The following SFMBT1 variants were observed in gnomAD, a reference collection of about 807,000 sequenced individuals.
SFMBT1 encodes the protein scm-like with four MBT domains protein 1.
Under a neutral mutation model 108.7 loss-of-function variants are expected in SFMBT1, and 32 were observed. The observed-to-expected ratio is 0.29, with a 90% CI of 0.22 to 0.40. The LOEUF is 0.40. Among genes scored for constraint, SFMBT1 ranks in the 10% least tolerant of loss-of-function variants. The pLI, the probability that SFMBT1 is intolerant of heterozygous loss-of-function variation, is 1.00. For synonymous variants in SFMBT1, 348 were observed against 369.5 expected, an observed-to-expected ratio of 0.94 and a Z score of 0.67; for missense variants, 816 against 1,059.6, an observed-to-expected ratio of 0.77 and a Z score of 3.19.
chr3:52,925,096 C>T (rs1702621490), intron 10 of SFMBT1, among the ~76,000 whole-genome samples: 1 of 151,964 alleles, frequency 6.6e-6, no homozygotes, highest in Non-Finnish European at 1.5e-5. Context: ...TGGTGGGCGC[C>T]TGTAATCCCA....
intron 2 of SFMBT1, among the ~76,000 whole-genome samples, chr3:52,956,244 G>A (rs557574386): frequency 1.9e-4 from 29 of 152,166 alleles, no homozygotes; most frequent in African/African-American, 6.7e-4. Context: ...GGCAGATCAC[G>A]AGGTCAAGAG....
chr3:52,925,160 A>G (rs566114537), intron 10 of SFMBT1, among the ~76,000 whole-genome samples: 20 of 152,000 alleles, frequency 1.3e-4, no homozygotes, highest in African/African-American at 4.8e-4. Flanking sequence ...GGCGGAGGCT[A>G]TAGTGAGCTG....
intron 3 of SFMBT1, among the ~76,000 whole-genome samples, chr3:52,953,852 A>G (rs990254638): frequency 6.6e-6 from 1 of 152,064 alleles, no homozygotes; most frequent in Non-Finnish European, 1.5e-5. Flanking sequence ...AAGTGTGACC[A>G]GGCACAGTGG....
At position 52,928,637 on chromosome 3, in the gene SFMBT1, C is replaced by CACAT. The variant is rs1702752018; in HGVS notation, c.898-297_898-296insATGT. 28 of 78,464 alleles carry CACAT rather than the reference C, an allele frequency of 3.6e-4. No individual in the cohort carries two copies. The East Asian group carries it at 5.4e-3, about 15-fold the overall frequency. 4.9% of individuals were successfully genotyped at this position (78,464 alleles called of 1,614,324 possible). ...ATATATACATATATACATATATATA[C>CACAT]ATATATATATATATATACACATATA... On this transcript the variant is annotated intron_variant, in intron 8 of 20. Transcript: ENST00000394752.
chr3:53,008,608 A>G (rs1698829197), intron 1 of SFMBT1, among the ~76,000 whole-genome samples: 2 of 151,828 alleles, frequency 1.3e-5, no homozygotes, highest in African/African-American at 2.4e-5. Flanking sequence ...TTCATCACAT[A>G]CAAATTTCAT....
At chr3:53,000,612 AAGAG>A (rs773406181) in intron 1 of SFMBT1, among the ~76,000 whole-genome samples, 1 of 150,144 alleles carries the variant, frequency 6.7e-6, no homozygotes, top group Non-Finnish European at 1.5e-5. Context: ...ATAAAAGACA[AAGAG>A]AGAAAGCAAA....
chr3:52,949,568 C>CTTTTTTTT (rs59842273), intron 3 of SFMBT1, among the ~76,000 whole-genome samples: 3 of 77,388 alleles, frequency 3.9e-5, no homozygotes, highest in African/African-American at 1.1e-4. Context: ...TAATGTCCTT[C>CTTTTTTTT]TTTTTTTTTT....
chr3:52,928,372 A>C, intron 8 of SFMBT1, 31 bp from the exon 9 acceptor site: 1 of 1,607,046 alleles, frequency 6.2e-7, no homozygotes, highest in Non-Finnish European at 8.5e-7. Context: ...TGAAATAGAC[A>C]AATGCACACA....
Position 52,962,252 on chromosome 3 carries a change from T to A in SFMBT1, c.28+6849A>T, listed in dbSNP as rs549916338. Among the ~76,000 whole-genome samples, 23 of 152,338 alleles carry A rather than the reference T, an allele frequency of 1.5e-4. No homozygotes were observed. In the South Asian group the frequency reaches 4.6e-3, roughly 30 times the overall value. On this transcript the variant is annotated intron_variant, in intron 2 of 20. Transcript: ENST00000394752. Reference sequence around the variant, plus strand: ...CACTTCTAGGAATCTATCCCAAAGATATGCTGGCAAAAATACAAAAAGACA... The same window carrying A: ...CACTTCTAGGAATCTATCCCAAAGAAATGCTGGCAAAAATACAAAAAGACA...
At chr3:52,936,893 CTTT>C (rs5848969) in intron 4 of SFMBT1, among the ~76,000 whole-genome samples, 12 of 114,962 alleles carry the variant, frequency 1.0e-4, no homozygotes, top group Non-Finnish European at 1.5e-4. Context: ...TTACACATTT[CTTT>C]TTTTTTTTTT....
intron 1 of SFMBT1, among the ~76,000 whole-genome samples, chr3:53,038,910 TA>T (rs1436121994): frequency 7.2e-5 from 11 of 152,160 alleles, no homozygotes; most frequent in East Asian, 1.9e-4. Context: ...TGAACACACA[TA>T]TTTTTTTGGT....
At chr3:52,940,912 TG>T (rs1254932843) in intron 4 of SFMBT1, among the ~76,000 whole-genome samples, 4 of 152,228 alleles carry the variant, frequency 2.6e-5, no homozygotes, top group African/African-American at 9.6e-5. Flanking sequence ...GCACAGCTTT[TG>T]CATTTTTCCT....
intron 1 of SFMBT1, among the ~76,000 whole-genome samples, chr3:52,989,286 C>T (rs778667869): frequency 3.3e-5 from 5 of 151,950 alleles, no homozygotes; most frequent in African/African-American, 4.8e-5. Flanking sequence ...TACTATGCTA[C>T]TAATGGTCAT....
rs77169555 is a variant in SFMBT1, at chr3:52,942,466, C to T, written c.364+887G>A. Among the ~76,000 whole-genome samples the T allele has an allele frequency of 1.0e-2, 1,519 of 152,264 alleles. 23 individuals are homozygous for T. The highest frequency in any genetic ancestry group is 0.034 in the African/African-American group (1,421 of 41,558). ...TGATTCTCATAACTTTTTGGTAAAT[C>T]TGAAATTATATCAAAGTAAGAAGTT... On this transcript the variant is annotated intron_variant, in intron 4 of 20. Coordinates refer to ENST00000394752, the MANE Select transcript of SFMBT1 (RefSeq NM_016329.4).
intron 10 of SFMBT1, among the ~76,000 whole-genome samples, chr3:52,922,936 G>A (rs1702560663): frequency 6.6e-6 from 1 of 152,202 alleles, no homozygotes; most frequent in Non-Finnish European, 1.5e-5. Context: ...ATGGTGATAT[G>A]ATAAGCCCAG....
chr3:52,995,446 T>C (rs1484452427), intron 1 of SFMBT1, among the ~76,000 whole-genome samples: 1 of 150,350 alleles, frequency 6.7e-6, no homozygotes, highest in Non-Finnish European at 1.5e-5. Context: ...TGGAATGCAA[T>C]GGGCACGATC....
chr3:52,938,247 G>T (rs1703078625), intron 4 of SFMBT1, among the ~76,000 whole-genome samples: 1 of 151,976 alleles, frequency 6.6e-6, no homozygotes, highest in African/African-American at 2.4e-5. Flanking sequence ...GAATTTATTT[G>T]TTTACTTCTA....
chr3:53,016,692 C>CTGACATATTCTGACAGCCTCACATA (rs1322154727), intron 1 of SFMBT1, among the ~76,000 whole-genome samples: 1 of 152,198 alleles, frequency 6.6e-6, no homozygotes, highest in Non-Finnish European at 1.5e-5. Context: ...CTCACATATT[C>CTGACATATTCTGACAGCCTCACATA]TGACAGTTCT....
intron 1 of SFMBT1, among the ~76,000 whole-genome samples, chr3:52,985,894 G>A (rs1324128565): frequency 1.3e-5 from 2 of 152,164 alleles, no homozygotes; most frequent in Non-Finnish European, 2.9e-5. Context: ...TGTAATCCCA[G>A]CACTTTGGGA....
Sources: allele counts gnomAD v4.1 joint callset (sites outside exome capture counted in the v4.1 genomes callset), GRCh38; gene constraint gnomAD v4.1.1; transcripts MANE v1.5; gene names NCBI Gene and HGNC (gene_info 2026-07-23, HGNC 2026-07-21).